The following PHEX variants were observed in gnomAD, a reference collection of about 807,000 sequenced individuals.
PHEX encodes the protein phosphate-regulating neutral endopeptidase PHEX.
A neutral mutation model predicts 68.0 loss-of-function variants in PHEX; 16 were observed. The observed-to-expected ratio is 0.24, with a 90% CI of 0.16 to 0.36. PHEX has a LOEUF of 0.36. Ranked by LOEUF, PHEX falls within the 10% of genes least tolerant of loss-of-function variation. PHEX has a pLI of 1.00. For missense variants in PHEX, 480 were observed against 575.5 expected (o/e 0.83, Z 1.70); for synonymous variants, 208 against 205.1 (o/e 1.01, Z -0.12).
At chrX:22,197,795 C>G (rs1012672511) in intron 15 of PHEX, among the ~76,000 whole-genome samples, 1 of 110,697 alleles carries the variant, frequency 9.0e-6, no homozygotes, top group Admixed American at 9.8e-5. Flanking sequence ...GGGTATATAA[C>G]TTTGTGTGGT....
chrX:22,171,421 G>C (rs761995856), intron 13 of PHEX: 3 of 110,288 alleles, frequency 2.7e-5, no homozygotes, highest in Middle Eastern at 4.2e-3. Context: ...ATTACAATTC[G>C]AGATGAGATT....
chrX:22,169,449 T>C (rs1287262519), intron 13 of PHEX, among the ~76,000 whole-genome samples: 1 of 112,418 alleles, frequency 8.9e-6, no homozygotes, highest in Non-Finnish European at 1.9e-5. Context: ...TATCTTTTAA[T>C]TCCTTCAGTG....
At chrX:22,038,930 G>A (rs996311597) in intron 2 of PHEX, among the ~76,000 whole-genome samples, 1 of 111,725 alleles carries the variant, frequency 9.0e-6, no homozygotes, top group Non-Finnish European at 1.9e-5. Context: ...CTCTAAGCAA[G>A]GCTCCTTTGC....
At chrX:22,207,531 A>C (rs187533346) in intron 15 of PHEX, among the ~76,000 whole-genome samples, 71 of 111,676 alleles carry the variant, frequency 6.4e-4, no homozygotes, top group African/African-American at 2.2e-3. Flanking sequence ...AATAATTATT[A>C]AAGTAAGTCT....
chrX:22,102,708 A>AC (rs941471352), intron 9 of PHEX, among the ~76,000 whole-genome samples: 8 of 112,633 alleles, frequency 7.1e-5, no homozygotes, highest in Non-Finnish European at 1.3e-4. Context: ...TCAGTGGTGG[A>AC]ACCAATGTGA....
chrX:22,209,916 G>T (rs78956389), intron 15 of PHEX, among the ~76,000 whole-genome samples: 1,429 of 106,143 alleles, frequency 0.013, 57 homozygotes, highest in Admixed American at 0.1. Context: ...GTGTGAAACA[G>T]GTGGCGAGGT....
At chrX:22,202,221 T>C (rs796269342) in intron 15 of PHEX, among the ~76,000 whole-genome samples, 2 of 112,284 alleles carry the variant, frequency 1.8e-5, no homozygotes, top group East Asian at 5.6e-4. Context: ...TTATTACATA[T>C]TCTTCCAAGT....
chrX:22,245,305 C>T (rs1263740419), intron 20 of PHEX, 28 bp from the exon 21 acceptor site: 2 of 1,136,351 alleles, frequency 1.8e-6, no homozygotes, highest in Admixed American at 4.4e-5. Context: ...AATGAAAGCT[C>T]ATTTGTTGGG....
At chrX:22,088,370 A>T (rs185863040) in intron 5 of PHEX, among the ~76,000 whole-genome samples, 2 of 111,702 alleles carry the variant, frequency 1.8e-5, no homozygotes, top group Non-Finnish European at 3.8e-5. Flanking sequence ...GTTGAACTTT[A>T]TAAGAAACTG....
intron 5 of PHEX, among the ~76,000 whole-genome samples, chrX:22,084,542 T>G (rs1419862378): frequency 4.5e-5 from 4 of 88,132 alleles, no homozygotes; most frequent in Non-Finnish European, 8.5e-5. Flanking sequence ...CTCTTCAGTT[T>G]TTTTTTTTTT....
chrX:22,246,929 T>TTGTG (rs375526343), intron 21 of PHEX, among the ~76,000 whole-genome samples: 1 of 111,305 alleles, frequency 9.0e-6, no homozygotes, highest in African/African-American at 3.3e-5. Flanking sequence ...GGGAAGTTTT[T>TTGTG]TGTGTGTGTG....
intron 3 of PHEX, among the ~76,000 whole-genome samples, chrX:22,048,654 G>T (rs1602252996): frequency 1.8e-5 from 2 of 111,898 alleles, no homozygotes; most frequent in South Asian, 3.7e-4. Flanking sequence ...GGGGTGTCTG[G>T]AATTTTAACA....
chrX:22,127,820 G>A (rs1168692633), intron 11 of PHEX, among the ~76,000 whole-genome samples: 2 of 109,782 alleles, frequency 1.8e-5, no homozygotes, highest in Non-Finnish European at 3.8e-5. Context: ...ATTTACCCGC[G>A]TTTTGACAAA....
At chrX:22,213,976 T>A (rs1319326744) in intron 16 of PHEX, among the ~76,000 whole-genome samples, 1 of 111,899 alleles carries the variant, frequency 8.9e-6, no homozygotes, top group African/African-American at 3.2e-5. Context: ...GTGAGGGAAA[T>A]AAGCCAAATG....
At chrX:22,218,927 C>T in intron 16 of PHEX, 109 bp from the exon 17 acceptor site, 1 of 551,612 alleles carries the variant, frequency 1.8e-6, no homozygotes, top group Non-Finnish European at 3.2e-6. Context: ...TTGTTATTAC[C>T]ATGGTTACTA....
chrX:22,196,455 A>G (rs906822623), intron 15 of PHEX, among the ~76,000 whole-genome samples: 2 of 112,257 alleles, frequency 1.8e-5, no homozygotes, highest in African/African-American at 6.5e-5. Context: ...AGCCATAGAC[A>G]GTTCATAAAC....
At chrX:22,163,399 A>G (rs1235502745) in intron 12 of PHEX, 1 of 111,269 alleles carries the variant, frequency 9.0e-6, no homozygotes, top group African/African-American at 3.3e-5. Flanking sequence ...AAGGGAGAAT[A>G]GTTATTAGGT....
intron 14 of PHEX, among the ~76,000 whole-genome samples, chrX:22,184,985 A>G (rs1370742079): frequency 8.9e-6 from 1 of 112,120 alleles, no homozygotes; most frequent in East Asian, 2.8e-4. Context: ...TATCTGTAGG[A>G]GTTGATAAGA....
intron 13 of PHEX, among the ~76,000 whole-genome samples, chrX:22,168,894 A>G (rs1176701751): frequency 8.9e-6 from 1 of 112,020 alleles, no homozygotes; most frequent in Non-Finnish European, 1.9e-5. Flanking sequence ...GCAGTAAGTT[A>G]CTGATGAAAA....
Sources: allele counts gnomAD v4.1 joint callset (sites outside exome capture counted in the v4.1 genomes callset), GRCh38; gene constraint gnomAD v4.1.1; transcripts MANE v1.5; gene names NCBI Gene and HGNC (gene_info 2026-07-23, HGNC 2026-07-21).